Variants in C5orf47 observed in about 807,000 individuals in gnomAD.
C5orf47 encodes chromosome 5 open reading frame 47.
In C5orf47, 20 loss-of-function variants were observed where a neutral mutation model predicts 20.6. The observed-to-expected ratio is 0.97, with a 90% CI of 0.68 to 1.41. C5orf47 has a LOEUF of 1.41. Among genes scored for constraint, C5orf47 ranks in the 40% most tolerant of loss-of-function variants. The pLI is 0.00. For synonymous variants in C5orf47, 106 were observed against 97.3 expected (o/e 1.09, Z -0.53); for missense variants, 262 against 238.4 (o/e 1.10, Z -0.65).
Position 173,999,785 on chromosome 5 carries a change from G to T in C5orf47, c.497G>T (p.Arg166Met), listed in dbSNP as rs1407189714. The T allele has an allele frequency of 6.6e-7, 1 of 1,525,792 alleles. No homozygotes were observed. The highest frequency in any genetic ancestry group is 8.9e-7 in the Non-Finnish European group (1 of 1,129,678). 94.5% of individuals were successfully genotyped at this position (1,525,792 alleles called of 1,614,324 possible). The change falls in exon 3 of 5, where the codon AGG becomes ATG. Residue 166 changes from arginine to methionine, a missense_variant. Arg to Met is a moderately conservative substitution (Grantham distance 91). Coordinates refer to ENST00000340147, the MANE Select transcript of C5orf47 (RefSeq NM_001144954.2). Reference sequence around the variant, plus strand: ...TATAGACACAGGCTGAAATGCCAAAGGTTATCTAGTGAAAGTAAGTTAACA... The same window carrying T: ...TATAGACACAGGCTGAAATGCCAAATGTTATCTAGTGAAAGTAAGTTAACA... ...EKYRHRLKCQ[R>M]LSSESSNYTR
intron 1 of C5orf47, among the ~76,000 whole-genome samples, chr5:173,996,888 A>G (rs1208298188): frequency 2.0e-5 from 3 of 152,184 alleles, no homozygotes; most frequent in Non-Finnish European, 1.5e-5. Flanking sequence ...TTTCTCCCAA[A>G]TGTAATCAGA....
At chr5:174,000,710 G>A (rs752467564) in intron 3 of C5orf47, among the ~76,000 whole-genome samples, 2 of 152,110 alleles carry the variant, frequency 1.3e-5, no homozygotes, top group Non-Finnish European at 2.9e-5. Flanking sequence ...GTGGTAGCAT[G>A]AATTGTTTGC....
intron 4 of C5orf47, 131 bp downstream of exon 4, chr5:174,001,362 G>A (rs912554938): frequency 2.2e-4 from 132 of 604,116 alleles, no homozygotes; most frequent in Non-Finnish European, 4.1e-5. Flanking sequence ...CTTAAATACA[G>A]TGTTTGGCAC....
chr5:173,991,166 C>A (rs1758990536), intron 1 of C5orf47, among the ~76,000 whole-genome samples: 1 of 152,008 alleles, frequency 6.6e-6, no homozygotes, highest in Non-Finnish European at 1.5e-5. Context: ...TTTCACTTAG[C>A]CTATTGGTTT....
At chr5:174,006,614 A>G (rs1376793431), downstream of C5orf47, among the ~76,000 whole-genome samples, 1 of 152,182 alleles carries the variant, frequency 6.6e-6, no homozygotes, top group Non-Finnish European at 1.5e-5. Flanking sequence ...TATGGGAGTA[A>G]ACTTATAAAA....
At chr5:173,989,680 G>A in intron 1 of C5orf47, 92 bp downstream of exon 1, 1 of 1,133,708 alleles carries the variant, frequency 8.8e-7, no homozygotes, top group Non-Finnish European at 1.2e-6. Flanking sequence ...CGGCACGCAG[G>A]AGGCTGGGGG....
chr5:173,997,509 T>C (rs1281309618), intron 1 of C5orf47, among the ~76,000 whole-genome samples: 1 of 152,156 alleles, frequency 6.6e-6, no homozygotes, highest in Non-Finnish European at 1.5e-5. Context: ...GAAAGATGAC[T>C]AAGACACACA....
rs1212579284 is a variant in C5orf47 at position 174,006,026 on chromosome 5, T to G, written c.*1772T>G. 1.3e-5 allele frequency: 2 copies of G among 152,350 alleles called. No individual in the cohort carries two copies. Among genetic ancestry groups the G allele is most frequent in the African/African-American group, 4.8e-5 (2 of 41,438 alleles). The allele number at this position is 152,350 out of a possible 1,614,324, so 9.4% of individuals were successfully genotyped here. A position where few individuals can be genotyped will look rare whatever the true frequency, so the allele number is the denominator to read the frequency against. On this transcript the variant is annotated 3_prime_UTR_variant, in exon 5 of 5. Transcript: ENST00000340147. ...AATAGAATATAATAAACATAAGACTTTTCTTTACTGATACATCACTGAACA... is the reference window on the plus strand; with the variant it reads ...AATAGAATATAATAAACATAAGACTGTTCTTTACTGATACATCACTGAACA...
Position 173,999,770 on chromosome 5 carries a change from G to A in C5orf47, c.482G>A (p.Arg161Lys), listed in dbSNP as rs1170255566. ...GAAGAAAATGAAAAATATAGACACA[G>A]GCTGAAATGCCAAAGGTTATCTAGT... The part of the protein sequence containing the change: ...MLEENEKYRH[R>K]LKCQRLSSES... Residue 161 changes from arginine to lysine, a missense_variant, in exon 3 of 5, where the codon AGG becomes AAG. By Grantham distance (26) the Arg-to-Lys change is conservative (BLOSUM62 2). Transcript: ENST00000340147. 11 of 1,535,900 alleles carry A rather than the reference G, an allele frequency of 7.2e-6. No individual in the cohort carries two copies. The Admixed American group carries it at 2.0e-4, about 28-fold the overall frequency.
intron 4 of C5orf47, among the ~76,000 whole-genome samples, chr5:174,003,270 G>C (rs577406886): frequency 4.6e-5 from 7 of 152,256 alleles, no homozygotes; most frequent in Non-Finnish European, 7.4e-5. Context: ...ATTTGGAATG[G>C]AGGTGAAATA....
Position 173,990,602 on chromosome 5 carries a change from A to T in C5orf47, c.325+1014A>T, listed in dbSNP as rs963908118. Among the ~76,000 whole-genome samples the T allele has an allele frequency of 3.3e-5, 5 of 151,588 alleles. No individual in the cohort carries two copies. The East Asian group carries it at 9.7e-4, about 29-fold the overall frequency. On this transcript the variant is annotated intron_variant, in intron 1 of 4. Transcript: ENST00000340147. ...GGCACCTGCCACCAATGCCCAGCTA[A>T]TTTTTTTCTATTTTTAGTAGGGATG... is the stretch of plus-strand genomic sequence containing the variant.
intron 1 of C5orf47, among the ~76,000 whole-genome samples, chr5:173,993,496 C>G (rs898601053): frequency 6.6e-6 from 1 of 152,034 alleles, no homozygotes; most frequent in African/African-American, 2.4e-5. Flanking sequence ...CAAAAATTAG[C>G]TGGGTGTGGT....
At chr5:173,992,339 G>A (rs1302589543) in intron 1 of C5orf47, among the ~76,000 whole-genome samples, 2 of 151,914 alleles carry the variant, frequency 1.3e-5, no homozygotes, top group African/African-American at 2.4e-5. Flanking sequence ...CTTAAGGCCA[G>A]CAGTTCAAGG....
chr5:174,006,481 GA>G (rs919854717), downstream of C5orf47, among the ~76,000 whole-genome samples: 13 of 151,562 alleles, frequency 8.6e-5, no homozygotes, highest in South Asian at 2.7e-3. Context: ...ACGTTCATGA[GA>G]AAAAAAACAA....
intron 4 of C5orf47, among the ~76,000 whole-genome samples, chr5:174,003,425 GAAAT>G (rs749632658): frequency 6.6e-6 from 1 of 152,136 alleles, no homozygotes; most frequent in Non-Finnish European, 1.5e-5. Flanking sequence ...GAGTGAATAA[GAAAT>G]AAGGAAGTCA....
chr5:174,001,016 G>A (rs891173488), intron 3 of C5orf47, among the ~76,000 whole-genome samples, 180 bp from the exon 4 acceptor site: 1 of 151,934 alleles, frequency 6.6e-6, no homozygotes, highest in Non-Finnish European at 1.5e-5. Context: ...AATAGCCTCT[G>A]GTAAACCAGT....
downstream of C5orf47, among the ~76,000 whole-genome samples, chr5:174,008,870 T>TG (rs1388642163): frequency 4.6e-5 from 7 of 151,452 alleles, no homozygotes; most frequent in Non-Finnish European, 8.8e-5. Context: ...GACATGATTC[T>TG]GGATTCTGGT....
intron 1 of C5orf47, 27 bp downstream of exon 1, chr5:173,989,615 G>A (rs773960834): frequency 7.2e-7 from 1 of 1,386,608 alleles, no homozygotes; most frequent in East Asian, 2.9e-5. Context: ...GGGCGGGACC[G>A]GGCGCGGCGG....
At chr5:174,009,322 C>A (rs1561651523), downstream of C5orf47, among the ~76,000 whole-genome samples, 1 of 146,096 alleles carries the variant, frequency 6.8e-6, no homozygotes, top group African/African-American at 2.4e-5. Context: ...CAGGAACTCT[C>A]GTTTTTCTGT....
Sources: allele counts gnomAD v4.1 joint callset (sites outside exome capture counted in the v4.1 genomes callset), GRCh38; gene constraint gnomAD v4.1.1; transcripts MANE v1.5; gene names NCBI Gene and HGNC (gene_info 2026-07-23, HGNC 2026-07-21).